The following BTBD1 variants were observed in gnomAD, a reference collection of about 807,000 sequenced individuals.
BTBD1 encodes BTB domain containing 1.
BTBD1 carries 34 observed loss-of-function variants against 48.0 expected under a neutral mutation model. The observed-to-expected ratio is 0.71, with a 90% CI of 0.54 to 0.94. The LOEUF is 0.94. Among genes scored for constraint, BTBD1 ranks in the 40% least tolerant of loss-of-function variants. The pLI is 0.00. For missense variants in BTBD1, 543 were observed against 625.6 expected, an observed-to-expected ratio of 0.87 and a Z score of 1.41; for synonymous variants, 261 against 242.1, an observed-to-expected ratio of 1.08 and a Z score of -0.72.
chr15:83,019,717 C>T (rs1302631516), intron 6 of BTBD1, among the ~76,000 whole-genome samples: 1 of 151,088 alleles, frequency 6.6e-6, no homozygotes, highest in Non-Finnish European at 1.5e-5. Flanking sequence ...ATCTCAGCCT[C>T]CCGAGTAGCT....
intron 1 of BTBD1, among the ~76,000 whole-genome samples, chr15:83,062,627 A>G (rs1209184387): frequency 6.6e-6 from 1 of 152,228 alleles, no homozygotes; most frequent in Non-Finnish European, 1.5e-5. Flanking sequence ...TAAATGTCAG[A>G]TATTTTCATT....
At chr15:83,049,719 G>A (rs1015649622) in intron 3 of BTBD1, among the ~76,000 whole-genome samples, 4 of 151,914 alleles carry the variant, frequency 2.6e-5, no homozygotes, top group South Asian at 2.1e-4. Context: ...TTCTATTAGC[G>A]TTTTAAATCT....
intron 6 of BTBD1, among the ~76,000 whole-genome samples, chr15:83,019,572 C>T (rs2032247914): frequency 6.7e-6 from 1 of 150,136 alleles, no homozygotes; most frequent in Admixed American, 6.7e-5. Context: ...ACAGTTTGTA[C>T]ACAAGAAGCC....
At chr15:83,065,749 C>T (rs1285241052) in intron 1 of BTBD1, among the ~76,000 whole-genome samples, 1 of 152,198 alleles carries the variant, frequency 6.6e-6, no homozygotes, top group African/African-American at 2.4e-5. Flanking sequence ...GTAAACAATT[C>T]TTACGCCTCC....
At chr15:83,059,539 C>T (rs971509955) in intron 1 of BTBD1, among the ~76,000 whole-genome samples, 1 of 152,112 alleles carries the variant, frequency 6.6e-6, no homozygotes, top group South Asian at 2.1e-4. Context: ...AGCAAGACTC[C>T]GTCTCAAAAA....
rs761836169 is a variant in BTBD1, at chr15:83,050,086, A to G, written c.651T>C (p.Thr217=). Residue 217 remains threonine (T), a synonymous_variant, in exon 3 of 8, where the codon ACT becomes ACC. Coordinates refer to ENST00000261721, the MANE Select transcript of BTBD1 (RefSeq NM_025238.4). The stretch of plus-strand genomic sequence containing the variant: ...TAGCGAACTTACCTATATCAATATC[A>G]GTAAACCCTTCTGCACTTATTGCAT... ...TMDAISAEGF[T]DIDIDTLCAV... 6.2e-7 allele frequency: 1 copy of G among 1,607,922 alleles called. No homozygotes were observed. Among genetic ancestry groups the G allele is most frequent in the South Asian group, 1.1e-5 (1 of 90,852 alleles).
At chr15:83,044,596 C>T in intron 3 of BTBD1, 1 of 1,594,024 alleles carries the variant, frequency 6.3e-7, no homozygotes. Context: ...GAAACCACAG[C>T]TGATGGCAGA....
At chr15:83,052,306 C>T in intron 2 of BTBD1, among the ~76,000 whole-genome samples, 1 of 152,126 alleles carries the variant, frequency 6.6e-6, no homozygotes, top group East Asian at 1.9e-4. Context: ...TCTCCAACTT[C>T]TGGGCTCAAG....
intron 4 of BTBD1, among the ~76,000 whole-genome samples, chr15:83,034,938 G>A (rs1004212780): frequency 6.6e-6 from 1 of 152,146 alleles, no homozygotes; most frequent in African/African-American, 2.4e-5. Flanking sequence ...GGACTATTCA[G>A]GTTTTTCTGC....
At chr15:83,029,864 C>CA in intron 5 of BTBD1, 1 of 390,770 alleles carries the variant, frequency 2.6e-6, no homozygotes, top group Admixed American at 4.4e-5. Context: ...GCGACTCCAT[C>CA]TTGGGGAAAA....
intron 3 of BTBD1, among the ~76,000 whole-genome samples, chr15:83,044,095 G>A (rs1349840621): frequency 6.6e-6 from 1 of 152,048 alleles, no homozygotes; most frequent in Non-Finnish European, 1.5e-5. Context: ...CACTTGAAAA[G>A]AATAGCTATC....
chr15:83,019,967 C>A, intron 6 of BTBD1: 1 of 59,860 alleles, frequency 1.7e-5, no homozygotes. Flanking sequence ...AAGACTCCAT[C>A]TCAAAAAAAA....
At chr15:83,020,886 A>C (rs2032281709) in intron 5 of BTBD1, 124 bp from the exon 6 acceptor site, 2 of 576,812 alleles carry the variant, frequency 3.5e-6, no homozygotes, top group Admixed American at 6.6e-5. Flanking sequence ...AAAACAAATT[A>C]GATATCCTTG....
intron 2 of BTBD1, among the ~76,000 whole-genome samples, chr15:83,054,563 CTTTTTTTT>C (rs1178762435): frequency 2.3e-5 from 3 of 130,428 alleles, no homozygotes; most frequent in Non-Finnish European, 4.9e-5. Context: ...AACATTTTTT[CTTTTTTTT>C]TTTTTTTTTG....
rs1311813091 is a variant in BTBD1, at chr15:83,050,196, T to C, written c.559-18A>G. On this transcript the variant is annotated intron_variant, in intron 2 of 7. Coordinates refer to ENST00000261721, the MANE Select transcript of BTBD1 (RefSeq NM_025238.4). ...AATCGAGCCTAAACATATAAAGAGA[T>C]AGTTATTTAACTTTCATAGTTATTT... 3 of 1,523,680 alleles carry C rather than the reference T, an allele frequency of 2.0e-6. No individual in the cohort carries two copies. The highest frequency in any genetic ancestry group is 9.1e-7 in the Non-Finnish European group (1 of 1,102,510). 94.4% of individuals were successfully genotyped at this position (1,523,680 alleles called of 1,614,324 possible).
rs114586833 is a variant in BTBD1, at chr15:83,058,483, C to T, written c.402-1938G>A. Among the ~76,000 whole-genome samples, 550 of 152,240 alleles carry T rather than the reference C, an allele frequency of 3.6e-3. 6 individuals carry two copies. The highest frequency in any genetic ancestry group is 0.013 in the African/African-American group (531 of 41,550). On this transcript the variant is annotated intron_variant, in intron 1 of 7. Coordinates refer to ENST00000261721, the MANE Select transcript of BTBD1 (RefSeq NM_025238.4). ...TTTAGGCCAGGCACGGTGGCTCATG[C>T]CTGTCATCCCAGCTATCTGGGAGGT...
chr15:83,058,035 C>G (rs933383666), intron 1 of BTBD1, among the ~76,000 whole-genome samples: 5 of 152,342 alleles, frequency 3.3e-5, no homozygotes, highest in African/African-American at 9.6e-5. Context: ...GCAGTTTGTT[C>G]AATTTATCTC....
At chr15:83,032,199 T>C (rs1567105060) in intron 4 of BTBD1, among the ~76,000 whole-genome samples, 1 of 151,988 alleles carries the variant, frequency 6.6e-6, no homozygotes, top group Non-Finnish European at 1.5e-5. Context: ...TGTGCGCCTG[T>C]AGTCCCAGCT....
chr15:83,047,543 T>A (rs998587650), intron 3 of BTBD1, among the ~76,000 whole-genome samples: 4 of 152,132 alleles, frequency 2.6e-5, no homozygotes, highest in African/African-American at 9.7e-5. Flanking sequence ...CAAAGTTAGG[T>A]GAGATCTTGC....
Sources: gnomAD v4.1 joint callset for allele counts (sites outside exome capture counted in the v4.1 genomes callset) on GRCh38, gnomAD v4.1.1 for gene constraint, MANE v1.5 for transcripts, NCBI Gene and HGNC (gene_info 2026-07-23, HGNC 2026-07-21) for gene names.